The following RIMS3 variants were observed in gnomAD, a reference collection of about 807,000 sequenced individuals.
RIMS3 encodes the protein regulating synaptic membrane exocytosis 3.
RIMS3 carries 15 observed loss-of-function variants against 29.2 expected under a neutral mutation model. That is an observed-to-expected ratio of 0.51 (90% CI 0.34 to 0.79). The LOEUF is 0.79. Ranked by LOEUF, RIMS3 falls within the 30% of genes least tolerant of loss-of-function variation. The probability of loss-of-function intolerance (pLI) is 0.01; values close to 1 mark genes in which losing one functional copy is unlikely to be tolerated. For missense variants in RIMS3, 342 were observed against 421.4 expected, an observed-to-expected ratio of 0.81 and a Z score of 1.65; for synonymous variants, 161 against 170.1, an observed-to-expected ratio of 0.95 and a Z score of 0.41.
At chr1:40,674,217 C>T in the RIMS3 span, among the ~76,000 whole-genome samples, 2 of 152,142 alleles carry the variant, frequency 1.3e-5, no homozygotes, top group African/African-American at 2.4e-5. Context: ...ACAAGCATTA[C>T]GACATGTCTG....
At chr1:40,656,117 C>T (rs1270848512) in intron 1 of RIMS3, among the ~76,000 whole-genome samples, 1 of 152,138 alleles carries the variant, frequency 6.6e-6, no homozygotes, top group African/African-American at 2.4e-5. Flanking sequence ...ACCCATAGTC[C>T]CAGCTATTTG....
chr1:40,647,986 T>A (rs1570189664), intron 1 of RIMS3, 144 bp from the exon 2 acceptor site: 2 of 152,318 alleles, frequency 1.3e-5, no homozygotes, highest in South Asian at 4.1e-4. Flanking sequence ...CAATTCTCCA[T>A]TTCCTCTTGT....
rs1646440462 is a variant in RIMS3 at position 40,624,316 on chromosome 1, C to G, written c.*2201G>C. The stretch of plus-strand genomic sequence containing the variant: ...AGGTGTAGAGTATTTTCGCAACACC[C>G]TGACAGTGACTGCTCTAGAGGTGAA... On this transcript the variant is annotated 3_prime_UTR_variant, in exon 8 of 8. Coordinates refer to ENST00000372684, the MANE Select transcript of RIMS3 (RefSeq NM_014747.3). The G allele has an allele frequency of 6.6e-6, 1 of 152,214 alleles. No homozygotes were observed. The highest frequency in any genetic ancestry group is 1.5e-5 in the Non-Finnish European group (1 of 68,046). The allele number at this position is 152,214 out of a possible 1,614,324, so 9.4% of individuals were successfully genotyped here. A position where few individuals can be genotyped will look rare whatever the true frequency, so the allele number is the denominator to read the frequency against.
chr1:40,641,200 T>G (rs896939745), intron 3 of RIMS3, among the ~76,000 whole-genome samples: 1 of 152,196 alleles, frequency 6.6e-6, no homozygotes, highest in African/African-American at 2.4e-5. Flanking sequence ...CTCAAACTCC[T>G]GGGCTCAAGT....
chr1:40,648,089 C>T (rs1646606916), intron 1 of RIMS3, among the ~76,000 whole-genome samples: 1 of 152,158 alleles, frequency 6.6e-6, no homozygotes, highest in Admixed American at 6.5e-5. Flanking sequence ...TTTTTAAATA[C>T]ATGTACAGAG....
At chr1:40,676,886 G>T in the RIMS3 span, among the ~76,000 whole-genome samples, 1 of 152,118 alleles carries the variant, frequency 6.6e-6, no homozygotes, top group African/African-American at 2.4e-5. Flanking sequence ...AGAGGCAGAG[G>T]ATAATACCTG....
chr1:40,634,814 G>A (rs1043622671), intron 4 of RIMS3, among the ~76,000 whole-genome samples: 3 of 151,970 alleles, frequency 2.0e-5, no homozygotes, highest in African/African-American at 7.3e-5. Context: ...GGTGGTGCAC[G>A]CCTGTAATCA....
At chr1:40,650,497 C>A (rs574196394) in intron 1 of RIMS3, among the ~76,000 whole-genome samples, 1 of 152,320 alleles carries the variant, frequency 6.6e-6, no homozygotes, top group East Asian at 1.9e-4. Flanking sequence ...CCTCTCCTAT[C>A]TCCCAGCCCG....
chr1:40,662,043 G>T (rs912403425), intron 1 of RIMS3, among the ~76,000 whole-genome samples: 4 of 152,226 alleles, frequency 2.6e-5, no homozygotes, highest in African/African-American at 9.6e-5. Flanking sequence ...AGGGCAAAAA[G>T]TCACTCCCAA....
chr1:40,648,335 C>T (rs1056308697), intron 1 of RIMS3, among the ~76,000 whole-genome samples: 3 of 152,172 alleles, frequency 2.0e-5, no homozygotes, highest in Non-Finnish European at 2.9e-5. Context: ...CACCTGGGCC[C>T]TCCCTGACTC....
rs1243465660 is a variant in RIMS3 at position 40,621,473 on chromosome 1, A to G, written c.*5044T>C. On this transcript the variant is annotated 3_prime_UTR_variant, in exon 8 of 8. Transcript: ENST00000372684. ...GGGCATGGACCAGATGAGAGCCTGC[A>G]CCCAGCCTGGGCATCAGGGGCTGAA... 3 of 152,214 alleles carry G rather than the reference A, an allele frequency of 2.0e-5. No individual in the cohort carries two copies. The East Asian group carries it at 5.8e-4, about 29-fold the overall frequency. The allele number at this position is 152,214 out of a possible 1,614,324, so 9.4% of individuals were successfully genotyped here. A position where few individuals can be genotyped will look rare whatever the true frequency, so the allele number is the denominator to read the frequency against.
At position 40,636,432 on chromosome 1, in the gene RIMS3, C is replaced by T. The variant is rs1646520687; in HGVS notation, c.218-375G>A. Among the ~76,000 whole-genome samples the T allele has an allele frequency of 6.6e-6, 1 of 151,954 alleles. No homozygotes were observed. The highest frequency in any genetic ancestry group is 1.5e-5 in the Non-Finnish European group (1 of 68,030). The stretch of plus-strand genomic sequence containing the variant: ...GCCCCAAAGGTTAAGTGTGCCTCTT[C>T]CCACTCTCTTCTGGAAAGTTCATCT... On this transcript the variant is annotated intron_variant, in intron 3 of 7. Coordinates refer to ENST00000372684, the MANE Select transcript of RIMS3 (RefSeq NM_014747.3). The surrounding 1 kb of genome is among the most constrained non-coding windows in gnomAD (Gnocchi z 4.2).
intron 2 of RIMS3, among the ~76,000 whole-genome samples, chr1:40,644,383 G>A (rs998747416): frequency 1.3e-5 from 2 of 152,198 alleles, no homozygotes; most frequent in African/African-American, 2.4e-5. Context: ...CTCCCTGTTA[G>A]CTGCATTCAA....
chr1:40,629,578 T>A (rs1002671419), intron 5 of RIMS3, among the ~76,000 whole-genome samples: 1 of 151,880 alleles, frequency 6.6e-6, no homozygotes, highest in African/African-American at 2.4e-5. Context: ...TGGGGTGGGT[T>A]GGGGTAGGGG....
the RIMS3 span, among the ~76,000 whole-genome samples, chr1:40,675,616 GTCGTGGTGGTACACAC>G: frequency 2.6e-5 from 4 of 152,052 alleles, no homozygotes; most frequent in African/African-American, 9.7e-5. Context: ...AAATTAGCCA[GTCGTGGTGGTACACAC>G]CTGTAATCTC....
In RIMS3 at chr1:40,629,341, A is replaced by G. The variant is rs775689478; in HGVS notation, c.504T>C (p.Ser168=). ...GDVHIAIMDR[S]GQLEVEVIEA... ...CAATCACTTCCACCTCCAGCTGGCC[A>G]CTCCGGTCCATGATGGCAATGTGCA... The change falls in exon 6 of 8, where the codon AGT becomes AGC. Residue 168 remains serine (S), a synonymous_variant. Transcript: ENST00000372684. The G allele has an allele frequency of 6.2e-7, 1 of 1,613,940 alleles. No homozygotes were observed. The highest frequency in any genetic ancestry group is 8.5e-7 in the Non-Finnish European group (1 of 1,179,972).
chr1:40,635,091 T>G lies in RIMS3; in HGVS notation c.359+825A>C, dbSNP rs1341855899. Among the ~76,000 whole-genome samples, 1 of 152,204 alleles carries G rather than the reference T, an allele frequency of 6.6e-6. No homozygotes were observed. Among genetic ancestry groups the G allele is most frequent in the African/African-American group, 2.4e-5 (1 of 41,458 alleles). On this transcript the variant is annotated intron_variant, in intron 4 of 7. Coordinates refer to ENST00000372684, the MANE Select transcript of RIMS3 (RefSeq NM_014747.3). This position sits in a 1 kb window ranked among gnomAD's most constrained non-coding sequence, Gnocchi z 4.1. ...AAATGCTTGAGAGCACTCGCATTCA[T>G]GGAAGTAGGTGCAGCAGTGAGACAC...
upstream of RIMS3, among the ~76,000 whole-genome samples, chr1:40,668,542 G>A (rs1290300383): frequency 4.7e-5 from 7 of 148,776 alleles, no homozygotes; most frequent in Non-Finnish European, 8.9e-5. Flanking sequence ...TAACCAGCAA[G>A]TCTTTTGGGG....
At chr1:40,670,166 T>A, upstream of RIMS3, among the ~76,000 whole-genome samples, 1 of 152,182 alleles carries the variant, frequency 6.6e-6, no homozygotes, top group East Asian at 1.9e-4. Context: ...ATTGATTCAT[T>A]CAACAAATAT....
Sources: allele counts gnomAD v4.1 joint callset (sites outside exome capture counted in the v4.1 genomes callset), GRCh38; gene constraint gnomAD v4.1.1; non-coding constraint Gnocchi (gnomAD v3.1); transcripts MANE v1.5; gene names NCBI Gene and HGNC (gene_info 2026-07-23, HGNC 2026-07-21).